NBEAL1: variants seen among roughly 807,000 people sequenced by gnomAD.
NBEAL1 encodes neurobeachin-like protein 1.
NBEAL1 carries 273 observed loss-of-function variants against 351.3 expected under a neutral mutation model. That is an observed-to-expected ratio of 0.78 (90% confidence interval 0.70 to 0.86). NBEAL1 has a LOEUF of 0.86. Among genes scored for constraint, NBEAL1 ranks in the 40% least tolerant of loss-of-function variants. The probability of loss-of-function intolerance (pLI) is 0.00; values close to 1 mark genes in which losing one functional copy is unlikely to be tolerated. For missense variants in NBEAL1, 2,961 were observed against 3,201.3 expected (o/e 0.92, Z 1.81); for synonymous variants, 1,050 against 1,086.4 (o/e 0.97, Z 0.66).
At position 203,217,634 on chromosome 2, in the gene NBEAL1, A is replaced by AT. The variant is rs767736606; in HGVS notation, c.*282dup. The AT allele has an allele frequency of 1.7e-5, 17 of 991,270 alleles. No individual in the cohort carries two copies. The highest frequency in any genetic ancestry group is 2.1e-5 in the Non-Finnish European group (17 of 820,840). 61.4% of individuals were successfully genotyped at this position (991,270 alleles called of 1,614,324 possible). On this transcript the variant is annotated 3_prime_UTR_variant, in exon 56 of 56. Transcript: ENST00000683969. ...GAACATTAGGTTCAATTTTCTTATT[A>AT]TTCCAAATGATAAAATTTAAGATTT...
chr2:203,160,398 G>A (rs1320715863), intron 36 of NBEAL1, among the ~76,000 whole-genome samples: 1 of 151,890 alleles, frequency 6.6e-6, no homozygotes, highest in African/African-American at 2.4e-5. Flanking sequence ...TTTTTTAAAC[G>A]TTTTTAATTT....
At chr2:203,196,313 A>G (rs1419476195) in intron 47 of NBEAL1, among the ~76,000 whole-genome samples, 3 of 152,216 alleles carry the variant, frequency 2.0e-5, no homozygotes, top group African/African-American at 4.8e-5. Context: ...TATCTGGATC[A>G]GTATAAAGAA....
In NBEAL1 at chr2:203,108,110, G is replaced by C; in HGVS notation, c.1871G>C (p.Ser624Thr). 6.4e-7 allele frequency: 1 copy of C among 1,552,152 alleles called. No homozygotes were observed. Among genetic ancestry groups the C allele is most frequent in the African/African-American group, 1.4e-5 (1 of 73,214 alleles). The change falls in exon 14 of 56, where the codon AGT becomes ACT. Residue 624 changes from serine (S) to threonine (T), a missense_variant. By Grantham distance (58) the Ser-to-Thr change is moderately conservative (BLOSUM62 1). Transcript: ENST00000683969. ...TGGCCAGGGTCTGCCTTTTCTTTCA[G>C]TGCTTGGTTTTGCTTAGACCAGGAT... ...QKWPGSAFSF[S>T]AWFCLDQDQL...
intron 25 of NBEAL1, among the ~76,000 whole-genome samples, chr2:203,131,516 C>G (rs1393720359): frequency 6.6e-6 from 1 of 152,152 alleles, no homozygotes; most frequent in African/African-American, 2.4e-5. Context: ...GTGCCCAGTC[C>G]AGTTTATTCT....
chr2:203,217,170 T>C (rs2065905934), intron 55 of NBEAL1, 83 bp from the exon 56 acceptor site: 1 of 1,025,214 alleles, frequency 9.8e-7, no homozygotes, highest in Non-Finnish European at 1.3e-6. Context: ...TTCTTTTCAC[T>C]CTGCAAAATC....
intron 18 of NBEAL1, among the ~76,000 whole-genome samples, chr2:203,116,831 G>A (rs1010048131): frequency 3.3e-5 from 5 of 150,942 alleles, no homozygotes; most frequent in Admixed American, 3.3e-4. Flanking sequence ...CACAGTGGCT[G>A]TGGCTCTTGC....
chr2:203,161,066 G>A (rs778635021), intron 36 of NBEAL1, among the ~76,000 whole-genome samples: 13 of 152,144 alleles, frequency 8.5e-5, no homozygotes, highest in South Asian at 8.3e-4. Flanking sequence ...GGTGGCTTAC[G>A]CCTGTAATCC....
At chr2:203,052,927 C>T (rs914321986) in intron 4 of NBEAL1, among the ~76,000 whole-genome samples, 2 of 151,946 alleles carry the variant, frequency 1.3e-5, no homozygotes, top group African/African-American at 4.8e-5. Flanking sequence ...TTTCTTTTGT[C>T]ACAGAATAAT....
intron 10 of NBEAL1, among the ~76,000 whole-genome samples, chr2:203,090,838 T>TA (rs1211730321): frequency 4.0e-5 from 6 of 150,806 alleles, no homozygotes; most frequent in Non-Finnish European, 8.8e-5. Flanking sequence ...GCAGTGAGCC[T>TA]AGATCACACC....
chr2:203,130,318 C>T lies in NBEAL1; in HGVS notation c.3406C>T (p.Leu1136Phe). ...GTTTTGTGTTGTTTAATTTTAAAAG[C>T]TCTTTGGAATTTTGGACGTGCTCTT... ...YIAATNEEEQ[L>F]FGILDVLFSL... is the part of the protein sequence containing the mutation. The change falls in exon 25 of 56, where the codon CTC (leucine) becomes TTC (phenylalanine). Residue 1136 changes from leucine (L) to phenylalanine (F), a missense_variant and splice_region_variant. Physicochemically the swap from Leu to Phe is conservative, Grantham distance 22 (BLOSUM62 0). Transcript: ENST00000683969. The T allele has an allele frequency of 6.5e-7, 1 of 1,527,188 alleles. No individual in the cohort carries two copies. The highest frequency in any genetic ancestry group is 8.8e-7 in the Non-Finnish European group (1 of 1,138,866). 94.6% of individuals were successfully genotyped at this position (1,527,188 alleles called of 1,614,324 possible).
intron 46 of NBEAL1, 127 bp downstream of exon 46, chr2:203,190,516 T>C (rs966740135): frequency 3.9e-6 from 3 of 775,176 alleles, no homozygotes; most frequent in Non-Finnish European, 6.2e-6. Context: ...GATTTCTGTT[T>C]GCTCAGAAAG....
At chr2:203,119,632 G>C (rs1218955493) in intron 18 of NBEAL1, among the ~76,000 whole-genome samples, 2 of 151,750 alleles carry the variant, frequency 1.3e-5, no homozygotes, top group East Asian at 1.9e-4. Flanking sequence ...CACCATGATG[G>C]TCAGGCTAGT....
intron 24 of NBEAL1, 129 bp from the exon 25 acceptor site, chr2:203,130,189 A>G (rs1231777012): frequency 1.1e-6 from 1 of 892,798 alleles, no homozygotes; most frequent in Non-Finnish European, 1.6e-6. Context: ...AAGACATCAT[A>G]TCAGATATAG....
chr2:203,045,430 T>C (rs1031513724), intron 3 of NBEAL1, among the ~76,000 whole-genome samples: 1 of 152,122 alleles, frequency 6.6e-6, no homozygotes, highest in African/African-American at 2.4e-5. Context: ...TGTATGTTAA[T>C]GAGATATTTT....
chr2:203,125,764 G>T (rs1171346473), intron 20 of NBEAL1, among the ~76,000 whole-genome samples, 196 bp from the exon 21 acceptor site: 4 of 152,118 alleles, frequency 2.6e-5, no homozygotes, highest in African/African-American at 4.8e-5. Context: ...TAAATTTGTG[G>T]TAGAGAAAAT....
At chr2:203,195,091 G>A (rs1057279812) in intron 47 of NBEAL1, among the ~76,000 whole-genome samples, 9 of 151,600 alleles carry the variant, frequency 5.9e-5, no homozygotes, top group Non-Finnish European at 8.8e-5. Context: ...CCAGCTACTC[G>A]GAAGGCTGAG....
intron 16 of NBEAL1, among the ~76,000 whole-genome samples, chr2:203,112,684 A>G (rs1255820728): frequency 1.3e-5 from 2 of 152,238 alleles, no homozygotes; most frequent in African/African-American, 4.8e-5. Context: ...CATCATAAAG[A>G]GAAAAAATAG....
intron 7 of NBEAL1, among the ~76,000 whole-genome samples, chr2:203,072,066 C>A (rs977729987): frequency 6.6e-6 from 1 of 152,190 alleles, no homozygotes; most frequent in South Asian, 2.1e-4. Flanking sequence ...TGGTCCTACC[C>A]TTTGAAACCA....
chr2:203,163,676 G>A (rs1042210867), intron 36 of NBEAL1, among the ~76,000 whole-genome samples: 7 of 152,074 alleles, frequency 4.6e-5, no homozygotes, highest in Non-Finnish European at 8.8e-5. Flanking sequence ...CCATGTTTCT[G>A]TTGTTCCCAG....
Sources: gnomAD v4.1 joint callset for allele counts (sites outside exome capture counted in the v4.1 genomes callset) on GRCh38, gnomAD v4.1.1 for gene constraint, MANE v1.5 for transcripts, NCBI Gene and HGNC (gene_info 2026-07-23, HGNC 2026-07-21) for gene names.